Variants in EMCN observed in about 807,000 individuals in gnomAD.
The protein encoded by EMCN is MUC-14.
Under a neutral mutation model 38.4 loss-of-function variants are expected in EMCN, and 37 were observed. The observed-to-expected ratio is 0.96, with a 90% confidence interval of 0.74 to 1.27. The LOEUF (loss-of-function observed/expected upper bound fraction) is 1.27. Ranked by LOEUF, EMCN falls within the 50% of genes most tolerant of loss-of-function variation. The pLI is 0.00. For missense variants in EMCN, 318 were observed against 302.8 expected, an observed-to-expected ratio of 1.05 and a Z score of -0.37; for synonymous variants, 95 against 100.8, an observed-to-expected ratio of 0.94 and a Z score of 0.35.
intron 5 of EMCN, among the ~76,000 whole-genome samples, 189 bp downstream of exon 5, chr4:100,447,344 A>G (rs1157181): frequency 0.41 from 61,803 of 151,884 alleles, 13,391 homozygotes; most frequent in East Asian, 0.77. Context: ...GAACACTTAG[A>G]CATGTCCTTA....
intron 4 of EMCN, among the ~76,000 whole-genome samples, chr4:100,461,536 T>G (rs1286279487): frequency 1.3e-5 from 2 of 152,156 alleles, no homozygotes; most frequent in Non-Finnish European, 2.9e-5. Context: ...AAGCCCACAT[T>G]TTTTAAATAA....
chr4:100,403,929 C>T (rs1243088097), intron 11 of EMCN, among the ~76,000 whole-genome samples: 3 of 151,792 alleles, frequency 2.0e-5, no homozygotes, highest in African/African-American at 4.8e-5. Context: ...TTGTTTTTTA[C>T]TCTTTCATTT....
intron 4 of EMCN, among the ~76,000 whole-genome samples, 198 bp downstream of exon 4, chr4:100,465,225 C>A (rs965243949): frequency 2.0e-5 from 3 of 152,080 alleles, no homozygotes; most frequent in Admixed American, 6.6e-5. Context: ...TTCCTTGTGA[C>A]CCATTCCTTT....
At chr4:100,407,335 G>A (rs1469559630) in intron 11 of EMCN, among the ~76,000 whole-genome samples, 1 of 152,126 alleles carries the variant, frequency 6.6e-6, no homozygotes, top group African/African-American at 2.4e-5. Flanking sequence ...ATGAACTTTA[G>A]TGTGTTTTTG....
intron 2 of EMCN, among the ~76,000 whole-genome samples, chr4:100,476,909 A>G (rs1728666843): frequency 6.6e-6 from 1 of 152,242 alleles, no homozygotes; most frequent in Admixed American, 6.5e-5. Context: ...GACTACAGAG[A>G]AAAATGGGGT....
intron 3 of EMCN, among the ~76,000 whole-genome samples, chr4:100,474,763 T>G (rs113533741): frequency 0.038 from 5,824 of 152,272 alleles, 127 homozygotes; most frequent in Non-Finnish European, 0.053. Flanking sequence ...TCATATATTG[T>G]ATGATTCCAT....
At chr4:100,487,815 A>T (rs772830490) in intron 1 of EMCN, among the ~76,000 whole-genome samples, 2 of 152,206 alleles carry the variant, frequency 1.3e-5, no homozygotes, top group Non-Finnish European at 2.9e-5. Flanking sequence ...TGAGTCCATT[A>T]AACCTCTTTT....
intron 4 of EMCN, among the ~76,000 whole-genome samples, chr4:100,448,102 C>T (rs1257466868): frequency 6.6e-6 from 1 of 151,928 alleles, no homozygotes; most frequent in Admixed American, 6.6e-5. Flanking sequence ...ATCTCATGAT[C>T]TGTGGAAGAA....
chr4:100,497,148 A>G (rs1729228230), intron 1 of EMCN, among the ~76,000 whole-genome samples: 1 of 151,808 alleles, frequency 6.6e-6, no homozygotes, highest in African/African-American at 2.4e-5. Flanking sequence ...TAAAGTCCCT[A>G]TGACAAGAAA....
chr4:100,438,070 T>C (rs1727406617), intron 5 of EMCN, among the ~76,000 whole-genome samples: 1 of 152,110 alleles, frequency 6.6e-6, no homozygotes. Flanking sequence ...CAAATTCTTT[T>C]ATCAATGTTT....
At chr4:100,517,019 T>C (rs928473416) in intron 1 of EMCN, among the ~76,000 whole-genome samples, 7 of 152,064 alleles carry the variant, frequency 4.6e-5, no homozygotes, top group African/African-American at 1.7e-4. Context: ...GGCAAGGACG[T>C]CTTACTTGTT....
At chr4:100,443,532 T>C (rs72923856) in intron 5 of EMCN, among the ~76,000 whole-genome samples, 4,711 of 152,302 alleles carry the variant, frequency 0.031, 257 homozygotes, top group African/African-American at 0.11. Context: ...TTTCCCACAG[T>C]GGGGAGTCTT....
At chr4:100,442,846 A>T (rs980168869) in intron 5 of EMCN, among the ~76,000 whole-genome samples, 2 of 151,680 alleles carry the variant, frequency 1.3e-5, no homozygotes, top group Non-Finnish European at 2.9e-5. Context: ...ATTTAATTTT[A>T]TTTCATTTTT....
intron 5 of EMCN, among the ~76,000 whole-genome samples, chr4:100,434,947 T>TC (rs1348253570): frequency 6.6e-6 from 1 of 152,046 alleles, no homozygotes; most frequent in African/African-American, 2.4e-5. Context: ...CTGGAAGCAT[T>TC]CCCCTTGAAA....
In EMCN at chr4:100,501,947, A is replaced by G. The variant is rs574065915; in HGVS notation, c.64+15904T>C. Among the ~76,000 whole-genome samples the G allele has an allele frequency of 2.7e-4, 41 of 152,168 alleles. 2 individuals are homozygous for G. In the South Asian group the frequency reaches 8.1e-3, roughly 30 times the overall value. On this transcript the variant is annotated intron_variant, in intron 1 of 11. Coordinates refer to ENST00000296420, the MANE Select transcript of EMCN (RefSeq NM_016242.4). ...TTTGGGGAAATACCCGAGGTTCGTC[A>G]TCTAGTGCTAAGGAAATTGAAGATG... is the stretch of plus-strand genomic sequence containing the variant.
chr4:100,428,564 C>G (rs1727115656), intron 5 of EMCN, among the ~76,000 whole-genome samples: 1 of 152,064 alleles, frequency 6.6e-6, no homozygotes, highest in South Asian at 2.1e-4. Context: ...CTTTATTGTG[C>G]TCACTCATAT....
At chr4:100,502,462 GA>G (rs1215890551) in intron 1 of EMCN, among the ~76,000 whole-genome samples, 4 of 152,082 alleles carry the variant, frequency 2.6e-5, no homozygotes, top group African/African-American at 9.7e-5. Context: ...ATTCCACCAA[GA>G]AATCTTTTAT....
Position 100,447,536 on chromosome 4 carries a change from G to GT in EMCN, c.411dup (p.Pro138ThrfsTer3). On this transcript the variant is annotated frameshift_variant, in exon 5 of 12. Transcript: ENST00000296420. LOFTEE classifies it high-confidence loss of function. ...AGACAGAGAAAAAAGAGCTTACCTGGTATTTCTGTTGTTTTAATTGAACTC... is the reference window on the plus strand; with the variant it reads ...AGACAGAGAAAAAAGAGCTTACCTGGTTATTTCTGTTGTTTTAATTGAACTC... 1 of 1,601,976 alleles carries GT rather than the reference G, an allele frequency of 6.2e-7. No homozygotes were observed. The highest frequency in any genetic ancestry group is 8.5e-7 in the Non-Finnish European group (1 of 1,170,446).
chr4:100,448,826 C>CCTTCCTTCCTTCCTTCCTTCCTTCCTT (rs1179151604), intron 4 of EMCN, among the ~76,000 whole-genome samples: 2 of 139,320 alleles, frequency 1.4e-5, no homozygotes, highest in Non-Finnish European at 3.1e-5. Context: ...CTTCCTTCCT[C>CCTTCCTTCCTTCCTTCCTTCCTTCCTT]CCTCCCTCCC....
Sources: allele counts gnomAD v4.1 joint callset (sites outside exome capture counted in the v4.1 genomes callset), GRCh38; gene constraint gnomAD v4.1.1; transcripts MANE v1.5; gene names NCBI Gene and HGNC (gene_info 2026-07-23, HGNC 2026-07-21).